Variants in PLGRKT observed in about 807,000 individuals in gnomAD.
PLGRKT encodes plasminogen receptor (KT).
Under a neutral mutation model 18.5 loss-of-function variants are expected in PLGRKT, and 22 were observed. That is an observed-to-expected ratio of 1.19 (90% CI 0.85 to 1.70). The LOEUF is 1.70. Ranked by LOEUF, PLGRKT falls within the 40% of genes most tolerant of loss-of-function variation. The probability of loss-of-function intolerance (pLI) is 0.00; values close to 1 mark genes in which losing one functional copy is unlikely to be tolerated. For synonymous variants in PLGRKT, 72 were observed against 52.8 expected, an observed-to-expected ratio of 1.36 and a Z score of -1.58; for missense variants, 235 against 174.4, an observed-to-expected ratio of 1.35 and a Z score of -1.96.
chr9:5,431,531 CAAAAAAAAAAA>C (rs1191361436), intron 3 of PLGRKT, among the ~76,000 whole-genome samples: 866 of 77,074 alleles, frequency 0.011, 15 homozygotes, highest in African/African-American at 0.039. Flanking sequence ...GAGACTCTCT[CAAAAAAAAAAA>C]AAAAAAAAAA....
At chr9:5,383,814 C>G (rs568590751) in intron 3 of PLGRKT, among the ~76,000 whole-genome samples, 78 of 152,166 alleles carry the variant, frequency 5.1e-4, no homozygotes, top group Non-Finnish European at 7.8e-4. Flanking sequence ...GCTGGGCAGT[C>G]CGGTTCCTAA....
rs922858102 is a variant in PLGRKT, at chr9:5,424,401, A to G, written c.81+7496T>C. ...TATATAACATATTATAAAACATAAT[A>G]TATTATATATTAACATATAATATAT... On this transcript the variant is annotated intron_variant, in intron 3 of 5. Transcript: ENST00000223864. Among the ~76,000 whole-genome samples, 37 of 130,224 alleles carry G rather than the reference A, an allele frequency of 2.8e-4. 1 individual carries two copies. The East Asian group carries it at 6.5e-3, about 23-fold the overall frequency. The allele number at this position is 130,224 out of a possible 152,430, so 85.4% of individuals were successfully genotyped here.
intron 3 of PLGRKT, among the ~76,000 whole-genome samples, chr9:5,424,239 G>A (rs1818634918): frequency 7.4e-6 from 1 of 135,106 alleles, no homozygotes; most frequent in East Asian, 2.0e-4. Context: ...ATTTATATGT[G>A]TCATATAGTA....
At chr9:5,416,093 CCT>C (rs1010754583) in intron 3 of PLGRKT, among the ~76,000 whole-genome samples, 2 of 152,014 alleles carry the variant, frequency 1.3e-5, no homozygotes, top group African/African-American at 4.8e-5. Flanking sequence ...ATGTTTTGCA[CCT>C]TTTCTGCAAA....
intron 3 of PLGRKT, 150 bp downstream of exon 3, chr9:5,431,747 T>C (rs529216974): frequency 2.4e-5 from 14 of 577,430 alleles, no homozygotes; most frequent in African/African-American, 1.9e-4. Flanking sequence ...ATTCACCAGA[T>C]AATTAGTAAG....
intron 3 of PLGRKT, among the ~76,000 whole-genome samples, chr9:5,367,721 A>G (rs1216331646): frequency 6.6e-6 from 1 of 152,214 alleles, no homozygotes; most frequent in Non-Finnish European, 1.5e-5. Context: ...AATGACAACA[A>G]AAACAAAAAT....
intron 3 of PLGRKT, among the ~76,000 whole-genome samples, chr9:5,401,444 T>C (rs532045746): frequency 1.2e-4 from 18 of 151,974 alleles, no homozygotes; most frequent in South Asian, 1.0e-3. Flanking sequence ...AATAAAGCAA[T>C]AGAGAGAATT....
At chr9:5,431,640 C>T (rs1431708366) in intron 3 of PLGRKT, among the ~76,000 whole-genome samples, 1 of 151,614 alleles carries the variant, frequency 6.6e-6, no homozygotes, top group East Asian at 1.9e-4. Context: ...GGGTGGGGGG[C>T]ATTATTCTAT....
chr9:5,425,540 A>T (rs1818681101), intron 3 of PLGRKT, among the ~76,000 whole-genome samples: 1 of 152,242 alleles, frequency 6.6e-6, no homozygotes, highest in African/African-American at 2.4e-5. Context: ...ATTATAGATT[A>T]TATTAAATCA....
intron 3 of PLGRKT, among the ~76,000 whole-genome samples, chr9:5,380,927 G>A (rs941034460): frequency 6.6e-6 from 1 of 152,174 alleles, no homozygotes; most frequent in Non-Finnish European, 1.5e-5. Context: ...CCCCCATGCT[G>A]TTCTCATGAT....
At chr9:5,390,557 G>A (rs1817930322) in intron 3 of PLGRKT, among the ~76,000 whole-genome samples, 1 of 151,706 alleles carries the variant, frequency 6.6e-6, no homozygotes, top group South Asian at 2.1e-4. Flanking sequence ...TATTCTCCTT[G>A]GCATTTGATA....
intron 2 of PLGRKT, among the ~76,000 whole-genome samples, chr9:5,434,056 T>A (rs1194887617): frequency 1.4e-5 from 2 of 145,290 alleles, no homozygotes; most frequent in African/African-American, 5.2e-5. Flanking sequence ...GGAGCGCCTC[T>A]GCCCGGCCGC....
In PLGRKT at chr9:5,432,745, G is replaced by C. The variant is rs113664270; in HGVS notation, c.-6-762C>G. On this transcript the variant is annotated intron_variant, in intron 2 of 5. Transcript: ENST00000223864. The stretch of plus-strand genomic sequence containing the variant: ...GCTCCTGGCCTCGGGTGATCTGCCC[G>C]CCTCGGCCTCCCGAGGTGCTGGGAT... 7.2e-5 allele frequency among the ~76,000 whole-genome samples: 11 copies of C among 152,326 alleles called. No homozygotes were observed. The South Asian group carries it at 2.3e-3, about 32-fold the overall frequency.
At chr9:5,394,103 C>A (rs1817999696) in intron 3 of PLGRKT, among the ~76,000 whole-genome samples, 2 of 151,846 alleles carry the variant, frequency 1.3e-5, no homozygotes, top group African/African-American at 4.9e-5. Flanking sequence ...TCCTAAGGAA[C>A]TGTAAACATG....
chr9:5,431,344 G>A (rs1009361564), intron 3 of PLGRKT, among the ~76,000 whole-genome samples: 2 of 151,986 alleles, frequency 1.3e-5, no homozygotes, highest in Non-Finnish European at 2.9e-5. Flanking sequence ...GACCAGCCTG[G>A]CCAACATGGT....
At chr9:5,409,483 T>C (rs1348358430) in intron 3 of PLGRKT, among the ~76,000 whole-genome samples, 1 of 152,232 alleles carries the variant, frequency 6.6e-6, no homozygotes, top group Non-Finnish European at 1.5e-5. Flanking sequence ...AGCCTGCAGA[T>C]GGCCTATTGT....
At chr9:5,374,254 T>G (rs1304712208) in intron 3 of PLGRKT, among the ~76,000 whole-genome samples, 1 of 152,216 alleles carries the variant, frequency 6.6e-6, no homozygotes, top group Non-Finnish European at 1.5e-5. Context: ...AGACCATCAT[T>G]ACCCATCAAT....
At chr9:5,416,273 C>T (rs535160423) in intron 3 of PLGRKT, among the ~76,000 whole-genome samples, 2 of 152,224 alleles carry the variant, frequency 1.3e-5, no homozygotes, top group South Asian at 2.1e-4. Context: ...AAATCCTCCT[C>T]CTCCTGCTGC....
At chr9:5,394,816 C>T (rs1223664898) in intron 3 of PLGRKT, among the ~76,000 whole-genome samples, 1 of 151,804 alleles carries the variant, frequency 6.6e-6, no homozygotes, top group African/African-American at 2.4e-5. Context: ...TTAAACATGT[C>T]TGTTTTTTAA....
Sources: allele counts gnomAD v4.1 joint callset (sites outside exome capture counted in the v4.1 genomes callset), GRCh38; gene constraint gnomAD v4.1.1; transcripts MANE v1.5; gene names NCBI Gene and HGNC (gene_info 2026-07-23, HGNC 2026-07-21).